ATXN1: variants seen among roughly 807,000 people sequenced by gnomAD.
ATXN1 encodes ataxin-1.
In ATXN1, 8 loss-of-function variants were observed where a neutral mutation model predicts 56.4. The ratio of observed to expected loss-of-function variants is 0.14; its 90% confidence interval spans 0.08 to 0.26. ATXN1 has a LOEUF of 0.26. Among genes scored for constraint, ATXN1 ranks in the 10% least tolerant of loss-of-function variants. The probability of loss-of-function intolerance (pLI) is 1.00; values close to 1 mark genes in which losing one functional copy is unlikely to be tolerated. For synonymous variants in ATXN1, 514 were observed against 494.6 expected (o/e 1.04, Z -0.52); for missense variants, 987 against 1,106.5 (o/e 0.89, Z 1.53).
At chr6:16,440,687 G>T (rs528409152) in intron 6 of ATXN1, among the ~76,000 whole-genome samples, 1 of 136,844 alleles carries the variant, frequency 7.3e-6, no homozygotes, top group African/African-American at 2.8e-5. Flanking sequence ...GGGAATTCAG[G>T]GAAGATGATG....
At chr6:16,507,659 T>A (rs1761006061) in intron 5 of ATXN1, among the ~76,000 whole-genome samples, 1 of 152,252 alleles carries the variant, frequency 6.6e-6, no homozygotes, top group Non-Finnish European at 1.5e-5. Context: ...AAGTTTATTG[T>A]ATCTATTGGT....
intron 6 of ATXN1, among the ~76,000 whole-genome samples, chr6:16,423,064 G>T (rs1034969855): frequency 5.3e-5 from 8 of 152,148 alleles, no homozygotes; most frequent in African/African-American, 1.7e-4. Context: ...GAGCACCAGG[G>T]GTAGGGGGAG....
rs998310135 is a variant in ATXN1, at chr6:16,327,454, G to C, written c.857C>G (p.Pro286Arg). ...MIPHTLTLGP[P>R]SQVVMQYADS... ...GGCGTATTGCATGACGACCTGGGAG[G>C]GGGGCCCCAGGGTGAGCGTGTGTGG... The change falls in exon 7 of 8, where the codon CCC (proline) becomes CGC (arginine). Residue 286 changes from proline (P) to arginine (R), a missense_variant. Around this residue, in one of 3 missense-constraint regions of ATXN1, gnomAD observed 723 missense variants for 791.7 expected, o/e 0.91. Coordinates refer to ENST00000436367, the MANE Select transcript of ATXN1 (RefSeq NM_001128164.2). 1.2e-6 allele frequency: 2 copies of C among 1,613,456 alleles called. No individual in the cohort carries two copies. Among genetic ancestry groups the C allele is most frequent in the East Asian group, 2.2e-5 (1 of 44,890 alleles).
At chr6:16,568,887 G>C (rs1011648301) in intron 4 of ATXN1, among the ~76,000 whole-genome samples, 2 of 152,210 alleles carry the variant, frequency 1.3e-5, no homozygotes, top group East Asian at 3.8e-4. Context: ...TCTTGAGAGA[G>C]AGGAATGGGG....
chr6:16,459,140 A>G (rs887604853), intron 6 of ATXN1, among the ~76,000 whole-genome samples: 12 of 152,178 alleles, frequency 7.9e-5, no homozygotes, highest in African/African-American at 2.9e-4. Context: ...TGAAAGCCCC[A>G]CACCCTTATT....
Position 16,326,562 on chromosome 6 carries a change from G to C in ATXN1, c.1749C>G (p.Ala583=). ...CTTCCACCTTCTTTAGCTCCCCGTTGGCCAACTGGATGATGGAGCCTTTCA... is the reference window on the plus strand; with the variant it reads ...CTTCCACCTTCTTTAGCTCCCCGTTCGCCAACTGGATGATGGAGCCTTTCA... ...YFMKGSIIQL[A]NGELKKVEDL... Residue 583 remains alanine, a synonymous_variant, in exon 7 of 8, where the codon GCC becomes GCG. Transcript: ENST00000436367. The surrounding 1 kb of genome is among the most constrained non-coding windows in gnomAD (Gnocchi z 6.6). 3.1e-6 allele frequency: 5 copies of C among 1,614,142 alleles called. No homozygotes were observed. The highest frequency in any genetic ancestry group is 4.2e-6 in the Non-Finnish European group (5 of 1,180,030).
intron 6 of ATXN1, among the ~76,000 whole-genome samples, chr6:16,353,696 C>A (rs946765145): frequency 6.6e-6 from 1 of 151,960 alleles, no homozygotes; most frequent in Non-Finnish European, 1.5e-5. Context: ...AAACAAAAAA[C>A]CACAATTACA....
chr6:16,485,096 T>C (rs1182041956), intron 6 of ATXN1: 1 of 152,114 alleles, frequency 6.6e-6, no homozygotes, highest in Non-Finnish European at 1.5e-5. Flanking sequence ...GAAATTGGCT[T>C]GTCATTTCCT....
chr6:16,340,643 G>T (rs939162476), intron 6 of ATXN1, among the ~76,000 whole-genome samples: 2 of 152,194 alleles, frequency 1.3e-5, no homozygotes, highest in Non-Finnish European at 2.9e-5. Flanking sequence ...GCAATTCGTG[G>T]TGCAGGCACT....
intron 6 of ATXN1, among the ~76,000 whole-genome samples, chr6:16,475,745 T>TA (rs1760313569): frequency 6.6e-6 from 1 of 152,088 alleles, no homozygotes; most frequent in Non-Finnish European, 1.5e-5. Flanking sequence ...GGCACCCAGA[T>TA]AGAGAGTAGC....
rs1760127484 is a variant in ATXN1, at chr6:16,302,326, T to TAACA, written c.*3999_*4002dup. ...GGGGAAAAAACCCAACACACTCACCTAACAGAAAACATAGAGGCTCACAAT... is the reference window on the plus strand; with the variant it reads ...GGGGAAAAAACCCAACACACTCACCTAACAAACAGAAAACATAGAGGCTCACAAT... On this transcript the variant is annotated 3_prime_UTR_variant, in exon 8 of 8. Coordinates refer to ENST00000436367, the MANE Select transcript of ATXN1 (RefSeq NM_001128164.2). 1 of 152,356 alleles carries TAACA rather than the reference T, an allele frequency of 6.6e-6. No homozygotes were observed. Among genetic ancestry groups the TAACA allele is most frequent in the Admixed American group, 6.5e-5 (1 of 15,282 alleles). 9.4% of individuals were successfully genotyped at this position (152,356 alleles called of 1,614,324 possible). A position where few individuals can be genotyped will look rare whatever the true frequency, so the allele number is the denominator to read the frequency against.
intron 6 of ATXN1, among the ~76,000 whole-genome samples, chr6:16,429,388 A>AAT (rs1759229575): frequency 6.9e-6 from 1 of 144,118 alleles, no homozygotes; most frequent in African/African-American, 2.6e-5. Flanking sequence ...AAAAAAAAAA[A>AAT]CAACCAGTAG....
At chr6:16,654,541 TAAAAA>T (rs1212773515) in intron 3 of ATXN1, among the ~76,000 whole-genome samples, 2 of 122,544 alleles carry the variant, frequency 1.6e-5, no homozygotes, top group South Asian at 2.5e-4. Context: ...GACTCTGCCT[TAAAAA>T]AAAAAAAAAA....
intron 2 of ATXN1, among the ~76,000 whole-genome samples, chr6:16,682,330 G>A (rs1331451799): frequency 6.6e-6 from 1 of 151,442 alleles, no homozygotes; most frequent in African/African-American, 2.4e-5. Flanking sequence ...CCAAGTAGCT[G>A]GGATTACAGG....
chr6:16,708,678 T>C (rs2113450723), intron 2 of ATXN1, among the ~76,000 whole-genome samples: 1 of 151,950 alleles, frequency 6.6e-6, no homozygotes, highest in South Asian at 2.1e-4. Flanking sequence ...ATCTTAAAAG[T>C]GTGTGTACCT....
intron 3 of ATXN1, among the ~76,000 whole-genome samples, chr6:16,633,508 T>G (rs375809826): frequency 6.6e-6 from 1 of 152,188 alleles, no homozygotes; most frequent in Non-Finnish European, 1.5e-5. Flanking sequence ...TTGCTTCCAG[T>G]TCTTGCCCAA....
chr6:16,355,810 C>T (rs939954865), intron 6 of ATXN1, among the ~76,000 whole-genome samples: 3 of 152,162 alleles, frequency 2.0e-5, no homozygotes, highest in East Asian at 1.9e-4. Context: ...GTGATCCACC[C>T]GCCTTGGCCT....
chr6:16,377,835 C>G lies in ATXN1; in HGVS notation c.-160-49365G>C, dbSNP rs114728928. 3.7e-3 allele frequency among the ~76,000 whole-genome samples: 566 copies of G among 152,352 alleles called. 4 individuals carry two copies. The highest frequency in any genetic ancestry group is 0.013 in the African/African-American group (544 of 41,576). ...TGCTTGTAAAACTATGGCGGCATAG[C>G]ATAAGCACACGCAGTGTTTGGGAGA... On this transcript the variant is annotated intron_variant, in intron 6 of 7. Coordinates refer to ENST00000436367, the MANE Select transcript of ATXN1 (RefSeq NM_001128164.2).
chr6:16,494,080 AGAGG>A (rs1760725067), intron 5 of ATXN1, among the ~76,000 whole-genome samples: 1 of 11,288 alleles, frequency 8.9e-5, no homozygotes, highest in Non-Finnish European at 1.4e-4. Context: ...TTTCCCATGG[AGAGG>A]CATCTCCAGT....
Sources: gnomAD v4.1 joint callset for allele counts (sites outside exome capture counted in the v4.1 genomes callset) on GRCh38, gnomAD v4.1.1 for gene constraint, gnomAD v4.1.1 regional missense constraint, Gnocchi (gnomAD v3.1) non-coding constraint, MANE v1.5 for transcripts, NCBI Gene and HGNC (gene_info 2026-07-23, HGNC 2026-07-21) for gene names.